The following DCC variants were observed in gnomAD, a reference collection of about 807,000 sequenced individuals.
DCC encodes netrin receptor DCC.
In DCC, 58 loss-of-function variants were observed where a neutral mutation model predicts 172.5. The observed-to-expected ratio is 0.34, with a 90% CI of 0.27 to 0.42. The LOEUF (loss-of-function observed/expected upper bound fraction) is 0.42. DCC is among the 10% of genes least tolerant of loss of function. The pLI is 1.00. For synonymous variants in DCC, 709 were observed against 644.5 expected (o/e 1.10, Z -1.52); for missense variants, 1,740 against 1,791.0 (o/e 0.97, Z 0.51).
chr18:52,367,297 C>G (rs977188956), intron 1 of DCC, among the ~76,000 whole-genome samples: 9 of 152,228 alleles, frequency 5.9e-5, no homozygotes, highest in African/African-American at 2.2e-4. Context: ...CTCCACACCT[C>G]CCTGCAAGCT....
intron 1 of DCC, among the ~76,000 whole-genome samples, chr18:52,654,448 A>C (rs1314666957): frequency 6.6e-6 from 1 of 152,090 alleles, no homozygotes; most frequent in East Asian, 1.9e-4. Context: ...AACAACAGAC[A>C]TTTATTGTCT....
intron 5 of DCC, among the ~76,000 whole-genome samples, chr18:52,993,001 AC>A (rs1429795506): frequency 2.0e-5 from 3 of 149,108 alleles, no homozygotes; most frequent in Non-Finnish European, 4.5e-5. Context: ...AAAAAAAAAA[AC>A]ACATGTGAAA....
At chr18:52,785,317 G>A (rs2037635290) in intron 2 of DCC, among the ~76,000 whole-genome samples, 1 of 152,066 alleles carries the variant, frequency 6.6e-6, no homozygotes, top group Admixed American at 6.6e-5. Flanking sequence ...TCTGTCTGCA[G>A]CTCTACTTTA....
rs148862544 is a variant in DCC, at chr18:53,453,324, T to C, written c.3392+2662T>C. ...ATAATGCAGGTGAAAGCAAAATCAA[T>C]TCCAATCTGAAACAGAAATAAGATC... is the stretch of plus-strand genomic sequence containing the variant. On this transcript the variant is annotated intron_variant, in intron 23 of 28. Coordinates refer to ENST00000442544, the MANE Select transcript of DCC (RefSeq NM_005215.4). 9.2e-3 allele frequency among the ~76,000 whole-genome samples: 1,399 copies of C among 152,276 alleles called. 25 individuals are homozygous for C. Among genetic ancestry groups the C allele is most frequent in the Admixed American group, 0.028 (425 of 15,284 alleles).
chr18:53,118,865 T>C (rs543800315), intron 7 of DCC, among the ~76,000 whole-genome samples: 12 of 151,900 alleles, frequency 7.9e-5, no homozygotes, highest in Non-Finnish European at 1.3e-4. Flanking sequence ...AAATTTGCAA[T>C]GCTAATACAC....
intron 9 of DCC, among the ~76,000 whole-genome samples, chr18:53,182,187 A>G (rs139707521): frequency 1.8e-3 from 268 of 152,344 alleles, no homozygotes; most frequent in African/African-American, 6.1e-3. Context: ...TATAAATTCT[A>G]TTCTCTAAGA....
intron 1 of DCC, among the ~76,000 whole-genome samples, chr18:52,707,889 G>A (rs2036235058): frequency 6.6e-6 from 1 of 152,152 alleles, no homozygotes; most frequent in Non-Finnish European, 1.5e-5. Flanking sequence ...ATTGGTTAAA[G>A]TATACAAAAT....
intron 1 of DCC, among the ~76,000 whole-genome samples, chr18:52,552,804 G>A (rs1057357372): frequency 7.9e-5 from 12 of 151,894 alleles, no homozygotes; most frequent in Non-Finnish European, 1.3e-4. Context: ...TGTAGATGTA[G>A]GCTACATGTA....
intron 7 of DCC, among the ~76,000 whole-genome samples, chr18:53,107,095 C>T (rs987572603): frequency 1.3e-5 from 2 of 151,802 alleles, no homozygotes; most frequent in Non-Finnish European, 2.9e-5. Flanking sequence ...TAAACATCCT[C>T]TAAGAATGCC....
chr18:53,058,141 C>T (rs1406073037), intron 5 of DCC, among the ~76,000 whole-genome samples: 2 of 152,260 alleles, frequency 1.3e-5, no homozygotes, highest in South Asian at 2.1e-4. Flanking sequence ...ATCATATTCA[C>T]TCTTTAGTCA....
At chr18:53,073,542 T>C (rs2042684282) in intron 7 of DCC, among the ~76,000 whole-genome samples, 1 of 151,896 alleles carries the variant, frequency 6.6e-6, no homozygotes, top group South Asian at 2.1e-4. Context: ...ATAATGATAA[T>C]AATAATGAAG....
At chr18:52,773,014 G>A (rs1430473557) in intron 2 of DCC, among the ~76,000 whole-genome samples, 1 of 152,174 alleles carries the variant, frequency 6.6e-6, no homozygotes, top group Non-Finnish European at 1.5e-5. Context: ...TTGACTGTAT[G>A]GCTATAGCTA....
At chr18:52,370,737 AC>A (rs1246086586) in intron 1 of DCC, among the ~76,000 whole-genome samples, 15 of 152,248 alleles carry the variant, frequency 9.9e-5, no homozygotes, top group Non-Finnish European at 2.1e-4. Flanking sequence ...AAAGAAAAAA[AC>A]ATGTAGTAAT....
chr18:53,416,549 AC>A (rs1276539005), intron 21 of DCC: 1 of 260,068 alleles, frequency 3.8e-6, no homozygotes, highest in East Asian at 8.9e-5. Context: ...TACAGAGAAA[AC>A]CCGTAAATTA....
chr18:53,511,618 C>T (rs2046253784), intron 27 of DCC, among the ~76,000 whole-genome samples: 2 of 152,116 alleles, frequency 1.3e-5, no homozygotes, highest in Admixed American at 6.5e-5. Context: ...GTGCGCGAGC[C>T]AAAGCAGGGC....
intron 23 of DCC, 36 bp from the exon 24 acceptor site, chr18:53,459,196 A>T (rs111554414): frequency 6.8e-7 from 1 of 1,474,188 alleles, no homozygotes; most frequent in African/African-American, 1.4e-5. Flanking sequence ...CATTGAATAG[A>T]GGTTCTCACA....
intron 2 of DCC, among the ~76,000 whole-genome samples, chr18:52,782,989 C>T (rs2037576808): frequency 1.3e-5 from 2 of 151,988 alleles, no homozygotes; most frequent in Non-Finnish European, 2.9e-5. Context: ...ACAGATGGTG[C>T]CCTGTTAGAG....
intron 19 of DCC, among the ~76,000 whole-genome samples, chr18:53,406,591 C>A (rs1909664959): frequency 6.6e-6 from 1 of 151,568 alleles, no homozygotes; most frequent in South Asian, 2.1e-4. Flanking sequence ...GTAATCCCAG[C>A]TACTGGGGAG....
intron 1 of DCC, among the ~76,000 whole-genome samples, chr18:52,515,606 CAAAA>C (rs58112743): frequency 8.7e-4 from 9 of 10,332 alleles, no homozygotes; most frequent in Middle Eastern, 0.12. Flanking sequence ...AACCCTGTCT[CAAAA>C]AAAAAAAAAA....
Sources: gnomAD v4.1 joint callset for allele counts (sites outside exome capture counted in the v4.1 genomes callset) on GRCh38, gnomAD v4.1.1 for gene constraint, MANE v1.5 for transcripts, NCBI Gene and HGNC (gene_info 2026-07-23, HGNC 2026-07-21) for gene names.